Variants in PITPNM3 observed in about 807,000 individuals in gnomAD.
The protein encoded by PITPNM3 is membrane-associated phosphatidylinositol transfer protein 3.
In PITPNM3, 26 loss-of-function variants were observed where a neutral mutation model predicts 102.0. The observed-to-expected ratio is 0.25, with a 90% confidence interval of 0.19 to 0.35. PITPNM3 has a LOEUF of 0.35. Ranked by LOEUF, PITPNM3 falls within the 10% of genes least tolerant of loss-of-function variation. The pLI is 1.00. For synonymous variants in PITPNM3, 578 were observed against 558.6 expected (o/e 1.03, Z -0.49); for missense variants, 1,083 against 1,346.1 (o/e 0.80, Z 3.06).
intron 1 of PITPNM3, among the ~76,000 whole-genome samples, chr17:6,543,522 C>T (rs1203450610): frequency 6.6e-6 from 1 of 152,234 alleles, no homozygotes; most frequent in African/African-American, 2.4e-5. Context: ...CAGTGAGGAA[C>T]GCCCTGACCG....
intron 14 of PITPNM3, among the ~76,000 whole-genome samples, chr17:6,465,631 C>A (rs1904727505): frequency 6.6e-6 from 1 of 152,230 alleles, no homozygotes; most frequent in Admixed American, 6.5e-5. Flanking sequence ...TCTTCCCTTG[C>A]CCAATTCCCC....
At chr17:6,543,565 T>C (rs1318427285) in intron 1 of PITPNM3, among the ~76,000 whole-genome samples, 1 of 152,192 alleles carries the variant, frequency 6.6e-6, no homozygotes, top group South Asian at 2.1e-4. Context: ...GGCCGATGCT[T>C]ACTGGGCCAG....
rs556314124 is a variant in PITPNM3, at chr17:6,537,311, C to G, written c.118+676G>C. On this transcript the variant is annotated intron_variant, in intron 2 of 19. Coordinates refer to ENST00000262483, the MANE Select transcript of PITPNM3 (RefSeq NM_031220.4). The surrounding 1 kb of genome is among the most constrained non-coding windows in gnomAD (Gnocchi z 4.4). ...TATCGCTCTGTCTGCAGTGCCATCT[C>G]GGCTCACTGCAACCTCTGCCTCCCG... Among the ~76,000 whole-genome samples, 1 of 145,226 alleles carries G rather than the reference C, an allele frequency of 6.9e-6. No homozygotes were observed. Among genetic ancestry groups the G allele is most frequent in the East Asian group, 2.0e-4 (1 of 4,980 alleles).
intron 1 of PITPNM3, among the ~76,000 whole-genome samples, chr17:6,551,274 G>A (rs1459657186): frequency 2.0e-5 from 3 of 151,946 alleles, no homozygotes; most frequent in South Asian, 2.1e-4. Flanking sequence ...GGAGAATGGC[G>A]TGAACCCGGG....
At position 6,477,074 on chromosome 17, in the gene PITPNM3, G is replaced by T; in HGVS notation, c.1040C>A (p.Thr347Asn). ...PLPRKQSDSS[T>N]YDCEAITQHH... ...CTGGGTGATGGCCTCGCAGTCATAG[G>T]TGGAGGAGTCGCTCTGTTTCCGCGG... Residue 347 changes from threonine to asparagine, a missense_variant, in exon 9 of 20, where the codon ACC becomes AAC. Coordinates refer to ENST00000262483, the MANE Select transcript of PITPNM3 (RefSeq NM_031220.4). 6.2e-7 allele frequency: 1 copy of T among 1,614,206 alleles called. No individual in the cohort carries two copies. The highest frequency in any genetic ancestry group is 8.5e-7 in the Non-Finnish European group (1 of 1,180,034).
intron 5 of PITPNM3, among the ~76,000 whole-genome samples, chr17:6,483,994 G>A (rs1905918581): frequency 6.6e-6 from 1 of 152,182 alleles, no homozygotes; most frequent in Admixed American, 6.5e-5. Flanking sequence ...GTGAGGGAAG[G>A]ACATGGGCTG....
Position 6,517,666 on chromosome 17 carries a change from C to A in PITPNM3, c.226+7690G>T, listed in dbSNP as rs1165825419. 6.6e-6 allele frequency among the ~76,000 whole-genome samples: 1 copy of A among 152,030 alleles called. No individual in the cohort carries two copies. Among genetic ancestry groups the A allele is most frequent in the Non-Finnish European group, 1.5e-5 (1 of 68,012 alleles). ...CCTTAACCTCCTGGGTTCAAGCAAC[C>A]CTCTCACCTCAGCCTCCAGAATAAC... On this transcript the variant is annotated intron_variant, in intron 3 of 19. Coordinates refer to ENST00000262483, the MANE Select transcript of PITPNM3 (RefSeq NM_031220.4). This position sits in a 1 kb window ranked among gnomAD's most constrained non-coding sequence, Gnocchi z 4.1.
rs538167572 is a variant in PITPNM3, at chr17:6,495,075, T to C, written c.274+8452A>G. Among the ~76,000 whole-genome samples the C allele has an allele frequency of 3.4e-4, 52 of 152,234 alleles. No homozygotes were observed. The East Asian group carries it at 6.2e-3, about 18-fold the overall frequency. ...GTGAGGGTATAGATATAAAAATATA[T>C]ATAAATGCATATTTATGGATAGACT... On this transcript the variant is annotated intron_variant, in intron 4 of 19. Transcript: ENST00000262483.
chr17:6,485,540 T>TA (rs762422251), intron 4 of PITPNM3, among the ~76,000 whole-genome samples: 12 of 151,066 alleles, frequency 7.9e-5, no homozygotes, highest in Non-Finnish European at 1.2e-4. Flanking sequence ...GATACATACT[T>TA]AAAAAAAAAA....
chr17:6,528,131 T>C (rs1344294081), intron 2 of PITPNM3, among the ~76,000 whole-genome samples: 2 of 152,218 alleles, frequency 1.3e-5, no homozygotes, highest in Admixed American at 6.5e-5. Flanking sequence ...GACCCCTTTC[T>C]ATGGGTCTGT....
At chr17:6,511,010 T>C (rs1907836897) in intron 3 of PITPNM3, among the ~76,000 whole-genome samples, 2 of 152,230 alleles carry the variant, frequency 1.3e-5, no homozygotes, top group Non-Finnish European at 2.9e-5. Flanking sequence ...AAGCCATGAA[T>C]ATCAGAATCA....
At chr17:6,474,339 T>C (rs1905196903) in intron 10 of PITPNM3, 93 bp downstream of exon 10, 21 of 1,472,800 alleles carry the variant, frequency 1.4e-5, no homozygotes, top group Admixed American at 5.3e-5. Flanking sequence ...TCCCTGCCCC[T>C]GTCCCCGACT....
In PITPNM3 at chr17:6,469,704, A is replaced by G. The variant is rs190701779; in HGVS notation, c.1773+556T>C. ...ATGGTTCCTCTCCTGCCGTGAAAAC[A>G]GCAGCCTCAGCCTCAGGGTTTCCTT... is the stretch of plus-strand genomic sequence containing the variant. On this transcript the variant is annotated intron_variant, in intron 13 of 19. Transcript: ENST00000262483. This position sits in a 1 kb window ranked among gnomAD's most constrained non-coding sequence, Gnocchi z 4.0. Among the ~76,000 whole-genome samples, 1 of 152,184 alleles carries G rather than the reference A, an allele frequency of 6.6e-6. No individual in the cohort carries two copies. The highest frequency in any genetic ancestry group is 2.4e-5 in the African/African-American group (1 of 41,480).
At chr17:6,531,891 T>C (rs572382641) in intron 2 of PITPNM3, among the ~76,000 whole-genome samples, 3 of 152,160 alleles carry the variant, frequency 2.0e-5, no homozygotes, top group South Asian at 2.1e-4. Context: ...TCACCTGGGG[T>C]CAGGAGTTCA....
chr17:6,549,433 G>A (rs2150680474), intron 1 of PITPNM3, among the ~76,000 whole-genome samples: 1 of 152,362 alleles, frequency 6.6e-6, no homozygotes, highest in South Asian at 2.1e-4. Context: ...GAGCCTGGAG[G>A]AAGCAGGTTG....
chr17:6,460,408 A>C (rs1904384490), intron 18 of PITPNM3, among the ~76,000 whole-genome samples: 1 of 152,218 alleles, frequency 6.6e-6, no homozygotes. Flanking sequence ...AGTAGTTGTC[A>C]ATTGACATGT....
intron 1 of PITPNM3, among the ~76,000 whole-genome samples, chr17:6,551,131 G>A (rs912949400): frequency 6.6e-6 from 1 of 151,962 alleles, no homozygotes; most frequent in Non-Finnish European, 1.5e-5. Flanking sequence ...GCCAAGGCAG[G>A]CGGATCACGA....
At chr17:6,552,315 C>T (rs778612252) in intron 1 of PITPNM3, among the ~76,000 whole-genome samples, 1 of 152,166 alleles carries the variant, frequency 6.6e-6, no homozygotes, top group African/African-American at 2.4e-5. Flanking sequence ...CTGGCCCCCA[C>T]CCCCTACCCT....
intron 3 of PITPNM3, among the ~76,000 whole-genome samples, chr17:6,508,398 C>T (rs1907671045): frequency 6.6e-6 from 1 of 152,236 alleles, no homozygotes; most frequent in African/African-American, 2.4e-5. Context: ...AAAGTCACTT[C>T]CCCAACGTTG....
Sources: gnomAD v4.1 joint callset for allele counts (sites outside exome capture counted in the v4.1 genomes callset) on GRCh38, gnomAD v4.1.1 for gene constraint, Gnocchi (gnomAD v3.1) non-coding constraint, MANE v1.5 for transcripts, NCBI Gene and HGNC (gene_info 2026-07-23, HGNC 2026-07-21) for gene names.